Variants in SLIT3 observed in about 807,000 individuals in gnomAD.
The protein encoded by SLIT3 is slit guidance ligand 3, also known as slit homolog 3 protein.
Under a neutral mutation model 184.0 loss-of-function variants are expected in SLIT3, and 68 were observed. That is an observed-to-expected ratio of 0.37 (90% CI 0.30 to 0.45). The LOEUF is 0.45. Among genes scored for constraint, SLIT3 ranks in the 20% least tolerant of loss-of-function variants. The probability of loss-of-function intolerance (pLI) is 1.00; values close to 1 mark genes in which losing one functional copy is unlikely to be tolerated. For missense variants in SLIT3, 1,707 were observed against 2,026.0 expected (o/e 0.84, Z 3.02); for synonymous variants, 831 against 828.6 (o/e 1.00, Z -0.05).
intron 4 of SLIT3, among the ~76,000 whole-genome samples, chr5:169,071,704 C>T (rs900771433): frequency 2.6e-5 from 4 of 152,086 alleles, no homozygotes; most frequent in Non-Finnish European, 5.9e-5. Context: ...GTCGTGGTTG[C>T]AATGGAAACT....
intron 4 of SLIT3, among the ~76,000 whole-genome samples, chr5:169,048,106 CT>C (rs1371581848): frequency 1.3e-5 from 2 of 152,210 alleles, no homozygotes; most frequent in East Asian, 1.9e-4. Context: ...TCTGATGCCC[CT>C]TGACTAAAAT....
At chr5:168,821,593 T>C (rs948003045) in intron 7 of SLIT3, among the ~76,000 whole-genome samples, 3 of 152,208 alleles carry the variant, frequency 2.0e-5, no homozygotes, top group African/African-American at 7.2e-5. Flanking sequence ...GAACAGATTT[T>C]CTTGGCTGAG....
intron 4 of SLIT3, among the ~76,000 whole-genome samples, chr5:169,068,670 A>C (rs934092939): frequency 2.0e-5 from 3 of 152,168 alleles, no homozygotes; most frequent in Admixed American, 2.0e-4. Flanking sequence ...CCAACAATGC[A>C]TGTAGGCCAA....
chr5:168,835,469 C>T (rs1194204099), intron 6 of SLIT3, among the ~76,000 whole-genome samples: 1 of 149,622 alleles, frequency 6.7e-6, no homozygotes, highest in East Asian at 1.9e-4. Context: ...ATCCACCATC[C>T]CTTACTTCAA....
At chr5:168,784,369 C>A (rs1756078471) in intron 12 of SLIT3, among the ~76,000 whole-genome samples, 1 of 152,160 alleles carries the variant, frequency 6.6e-6, no homozygotes, top group African/African-American at 2.4e-5. Flanking sequence ...GACCGTTGAA[C>A]AGGAATTTGC....
chr5:168,958,422 A>G (rs2113272859), intron 4 of SLIT3, among the ~76,000 whole-genome samples: 1 of 152,354 alleles, frequency 6.6e-6, no homozygotes, highest in East Asian at 1.9e-4. Flanking sequence ...ACTGTCCTCC[A>G]GGTTTTATAT....
chr5:168,984,331 C>T (rs991707525), intron 4 of SLIT3, among the ~76,000 whole-genome samples: 5 of 152,256 alleles, frequency 3.3e-5, no homozygotes, highest in East Asian at 1.9e-4. Flanking sequence ...CAAATTGCAT[C>T]GCCCTCTTTA....
intron 1 of SLIT3, among the ~76,000 whole-genome samples, chr5:169,287,266 C>A (rs1283328059): frequency 2.6e-5 from 4 of 152,174 alleles, no homozygotes; most frequent in Non-Finnish European, 4.4e-5. Flanking sequence ...GATCTTCCCT[C>A]TCTAGACTCG....
At chr5:169,186,055 G>A (rs180832379) in intron 4 of SLIT3, among the ~76,000 whole-genome samples, 2 of 152,310 alleles carry the variant, frequency 1.3e-5, no homozygotes, top group African/African-American at 4.8e-5. Flanking sequence ...CAGAGGACCT[G>A]CCCCTAGTAA....
intron 4 of SLIT3, among the ~76,000 whole-genome samples, chr5:169,174,564 C>A (rs1477589602): frequency 6.6e-6 from 1 of 152,122 alleles, no homozygotes; most frequent in Non-Finnish European, 1.5e-5. Flanking sequence ...AATGGGATAC[C>A]ACTAATACCC....
At chr5:168,718,059 T>C (rs1267336231) in intron 23 of SLIT3, 2 of 152,098 alleles carry the variant, frequency 1.3e-5, no homozygotes, top group African/African-American at 4.8e-5. Context: ...TACTTATTTT[T>C]ATTTTACAGA....
intron 5 of SLIT3, among the ~76,000 whole-genome samples, chr5:168,849,424 T>C (rs1758595683): frequency 1.3e-5 from 2 of 152,240 alleles, no homozygotes; most frequent in Non-Finnish European, 2.9e-5. Context: ...TTTAACAATT[T>C]GCTAATTTCT....
Position 169,300,720 on chromosome 5 carries a change from G to A in SLIT3, c.-11C>T. ...CCACCCGGGGGCCATGGTGTGCAGG[G>A]CCCCGCTCCTGGAGGAGGCTGCCTC... On this transcript the variant is annotated 5_prime_UTR_variant, in exon 1 of 36. Coordinates refer to ENST00000519560, the MANE Select transcript of SLIT3 (RefSeq NM_003062.4). This position sits in a 1 kb window ranked among gnomAD's most constrained non-coding sequence, Gnocchi z 4.1. The A allele has an allele frequency of 2.3e-6, 3 of 1,315,106 alleles. No individual in the cohort carries two copies. Among genetic ancestry groups the A allele is most frequent in the Non-Finnish European group, 9.7e-7 (1 of 1,035,820 alleles). 81.5% of individuals were successfully genotyped at this position (1,315,106 alleles called of 1,614,324 possible).
intron 4 of SLIT3, among the ~76,000 whole-genome samples, chr5:168,907,437 A>G (rs779327023): frequency 2.8e-4 from 43 of 152,322 alleles, no homozygotes; most frequent in Middle Eastern, 3.4e-3. Context: ...TATGTAGTAA[A>G]GTATAATCAT....
chr5:168,696,457 AGG>A (rs1346739227), intron 27 of SLIT3, 26 bp from the exon 28 acceptor site: 4 of 1,613,008 alleles, frequency 2.5e-6, no homozygotes, highest in Non-Finnish European at 3.4e-6. Context: ...GGTGGAGAGC[AGG>A]GGAGTCAGGG....
chr5:168,806,214 G>A (rs1278841339), intron 9 of SLIT3, among the ~76,000 whole-genome samples: 2 of 152,198 alleles, frequency 1.3e-5, no homozygotes, highest in Admixed American at 1.3e-4. Flanking sequence ...ATAGGCAGTG[G>A]GAACCCCTGG....
At position 168,685,684 on chromosome 5, in the gene SLIT3, C is replaced by T. The variant is rs759379333; in HGVS notation, c.3555+3G>A. On this transcript the variant is annotated splice_donor_region_variant and intron_variant, in intron 31 of 35. Transcript: ENST00000519560. Reference sequence around the variant, plus strand: ...TCCAAGGGCAGGGCAGGGCGGGACACACCTGCAGGGAGATGTTGGCCTGGG... The same window carrying T: ...TCCAAGGGCAGGGCAGGGCGGGACATACCTGCAGGGAGATGTTGGCCTGGG... 30 of 1,551,800 alleles carry T rather than the reference C, an allele frequency of 1.9e-5. No homozygotes were observed. The highest frequency in any genetic ancestry group is 2.6e-5 in the Non-Finnish European group (30 of 1,144,560).
chr5:168,932,417 G>A (rs887719662), intron 4 of SLIT3, among the ~76,000 whole-genome samples: 1 of 149,986 alleles, frequency 6.7e-6, no homozygotes, highest in African/African-American at 2.5e-5. Context: ...CACACACAGA[G>A]ATTTCTTCTT....
chr5:168,794,252 G>T (rs919927742), intron 10 of SLIT3, among the ~76,000 whole-genome samples: 2 of 152,152 alleles, frequency 1.3e-5, no homozygotes, highest in African/African-American at 4.8e-5. Flanking sequence ...GGTGAGGTGT[G>T]GGGGGATGTG....
Sources: gnomAD v4.1 joint callset for allele counts (sites outside exome capture counted in the v4.1 genomes callset) on GRCh38, gnomAD v4.1.1 for gene constraint, Gnocchi (gnomAD v3.1) non-coding constraint, MANE v1.5 for transcripts, NCBI Gene and HGNC (gene_info 2026-07-23, HGNC 2026-07-21) for gene names.